INPP4B: variants seen among roughly 807,000 people sequenced by gnomAD.
INPP4B encodes the protein inositol polyphosphate-4-phosphatase type II B, also known as inositol polyphosphate 4-phosphatase type II.
In INPP4B, 55 loss-of-function variants were observed where a neutral mutation model predicts 122.5. The ratio of observed to expected loss-of-function variants is 0.45; its 90% confidence interval spans 0.36 to 0.56. INPP4B has a LOEUF of 0.56. Among genes scored for constraint, INPP4B ranks in the 20% least tolerant of loss-of-function variants. The pLI is 0.00. For missense variants in INPP4B, 1,000 were observed against 1,097.7 expected (o/e 0.91, Z 1.26); for synonymous variants, 403 against 388.7 (o/e 1.04, Z -0.43).
At chr4:142,261,469 T>C (rs1054016532) in intron 10 of INPP4B, among the ~76,000 whole-genome samples, 9 of 152,024 alleles carry the variant, frequency 5.9e-5, no homozygotes, top group Admixed American at 6.6e-5. Context: ...AACAAGTAAA[T>C]GCAAACAGAA....
intron 2 of INPP4B, among the ~76,000 whole-genome samples, chr4:142,531,130 C>A (rs368224192): frequency 6.0e-4 from 91 of 151,640 alleles, no homozygotes; most frequent in Non-Finnish European, 1.2e-3. Context: ...AGGTAGGGGG[C>A]GGAGAATTGT....
At chr4:142,268,981 C>T (rs1023850657) in intron 10 of INPP4B, among the ~76,000 whole-genome samples, 14 of 152,132 alleles carry the variant, frequency 9.2e-5, no homozygotes, top group Non-Finnish European at 5.9e-5. Flanking sequence ...GGCCCCAACT[C>T]TTTCAGAATA....
chr4:142,045,615 T>C (rs1184103783), intron 25 of INPP4B, among the ~76,000 whole-genome samples: 1 of 152,130 alleles, frequency 6.6e-6, no homozygotes, highest in Non-Finnish European at 1.5e-5. Context: ...TATTAATCTC[T>C]TTCCATTTTT....
intron 1 of INPP4B, among the ~76,000 whole-genome samples, chr4:142,837,161 ATAAT>A (rs940199759): frequency 2.0e-5 from 3 of 148,738 alleles, no homozygotes; most frequent in African/African-American, 7.5e-5. Flanking sequence ...AGTCTCAAAA[ATAAT>A]AATAATAATA....
intron 2 of INPP4B, among the ~76,000 whole-genome samples, chr4:142,558,537 T>C (rs189372239): frequency 1.6e-3 from 240 of 152,226 alleles, no homozygotes; most frequent in Admixed American, 5.4e-3. Context: ...AGAAATTCTA[T>C]AATCCATAGG....
At chr4:142,786,743 G>T (rs1775817530) in intron 1 of INPP4B, among the ~76,000 whole-genome samples, 1 of 152,086 alleles carries the variant, frequency 6.6e-6, no homozygotes, top group Non-Finnish European at 1.5e-5. Flanking sequence ...CCTCCGAGCT[G>T]CCCCTAAAAG....
intron 2 of INPP4B, among the ~76,000 whole-genome samples, chr4:142,599,325 C>G (rs772827851): frequency 2.0e-5 from 3 of 152,158 alleles, no homozygotes; most frequent in Admixed American, 6.5e-5. Context: ...CAAAGACTGT[C>G]CTAGTTGGCA....
intron 7 of INPP4B, among the ~76,000 whole-genome samples, chr4:142,324,325 T>C (rs1184980687): frequency 4.6e-5 from 7 of 152,160 alleles, no homozygotes; most frequent in Admixed American, 1.3e-4. Context: ...AGATTCTAAG[T>C]CTACCTGTGT....
At chr4:142,608,634 T>C (rs1441355197) in intron 2 of INPP4B, among the ~76,000 whole-genome samples, 4 of 152,114 alleles carry the variant, frequency 2.6e-5, no homozygotes, top group African/African-American at 4.8e-5. Context: ...GAAGTACCCT[T>C]TGGTCTCCAC....
intron 2 of INPP4B, among the ~76,000 whole-genome samples, chr4:142,465,445 C>G (rs1377324494): frequency 6.6e-6 from 1 of 152,166 alleles, no homozygotes; most frequent in Non-Finnish European, 1.5e-5. Flanking sequence ...AATTAGGACA[C>G]AGAAGTTTTC....
chr4:142,658,720 T>C (rs953648580), intron 2 of INPP4B, among the ~76,000 whole-genome samples: 2 of 152,126 alleles, frequency 1.3e-5, no homozygotes, highest in African/African-American at 4.8e-5. Flanking sequence ...TCCCTTTAAG[T>C]AGACGATCTT....
At chr4:142,133,918 C>T (rs886599001) in intron 18 of INPP4B, among the ~76,000 whole-genome samples, 9 of 152,202 alleles carry the variant, frequency 5.9e-5, no homozygotes, top group African/African-American at 1.7e-4. Context: ...GCAATCTCTA[C>T]CCTACAACAT....
chr4:142,537,041 C>T (rs576106281), intron 2 of INPP4B, among the ~76,000 whole-genome samples: 134 of 152,042 alleles, frequency 8.8e-4, no homozygotes, highest in Non-Finnish European at 1.5e-3. Context: ...GTGATCCACC[C>T]GCCTCAGCCT....
chr4:142,289,711 T>C (rs1453270709), intron 9 of INPP4B, among the ~76,000 whole-genome samples: 1 of 152,196 alleles, frequency 6.6e-6, no homozygotes, highest in Non-Finnish European at 1.5e-5. Context: ...GGACATGATA[T>C]CATTCCTTTT....
chr4:142,200,575 A>G (rs1840217442), intron 14 of INPP4B, among the ~76,000 whole-genome samples: 1 of 151,114 alleles, frequency 6.6e-6, no homozygotes. Context: ...TCTTTTTATT[A>G]TCATTTTTTA....
intron 7 of INPP4B, among the ~76,000 whole-genome samples, chr4:142,398,110 T>A (rs1316184781): frequency 1.3e-5 from 2 of 151,088 alleles, no homozygotes; most frequent in African/African-American, 2.4e-5. Flanking sequence ...GCGCGGTGGC[T>A]CACGCCTGTA....
Position 142,388,581 on chromosome 4 carries a change from C to T in INPP4B, c.372+14357G>A, listed in dbSNP as rs138803622. On this transcript the variant is annotated intron_variant, in intron 7 of 25. Transcript: ENST00000262992. ...CCCTAGGAATTGAAAATGAATAGAT[C>T]CCACTCAGAGTCTAAGGCTCTGTTC... 3.6e-3 allele frequency among the ~76,000 whole-genome samples: 552 copies of T among 152,174 alleles called. 3 individuals are homozygous for T. The highest frequency in any genetic ancestry group is 0.014 in the Middle Eastern group (4 of 294).
intron 23 of INPP4B, among the ~76,000 whole-genome samples, chr4:142,087,136 G>A (rs546083247): frequency 2.0e-5 from 3 of 152,126 alleles, no homozygotes; most frequent in South Asian, 2.1e-4. Context: ...TCTACCATTC[G>A]CATGCCAGTA....
At chr4:142,749,005 T>G (rs1462197618) in intron 1 of INPP4B, among the ~76,000 whole-genome samples, 1 of 151,650 alleles carries the variant, frequency 6.6e-6, no homozygotes. Flanking sequence ...CCAGGTGTGG[T>G]GACACATACC....
Sources: allele counts gnomAD v4.1 joint callset (sites outside exome capture counted in the v4.1 genomes callset), GRCh38; gene constraint gnomAD v4.1.1; transcripts MANE v1.5; gene names NCBI Gene and HGNC (gene_info 2026-07-23, HGNC 2026-07-21).